Variants in MEGF9 observed in about 807,000 individuals in gnomAD.
MEGF9 encodes the protein multiple EGF like domains 9.
In MEGF9, 6 loss-of-function variants were observed where a neutral mutation model predicts 46.8. That is an observed-to-expected ratio of 0.13 (90% CI 0.07 to 0.25). MEGF9 has a LOEUF of 0.25. Among genes scored for constraint, MEGF9 ranks in the 10% least tolerant of loss-of-function variants. The pLI is 1.00. For missense variants in MEGF9, 683 were observed against 792.4 expected (o/e 0.86, Z 1.66); for synonymous variants, 302 against 330.7 (o/e 0.91, Z 0.94).
At chr9:120,667,366 C>A (rs2043729735) in intron 1 of MEGF9, among the ~76,000 whole-genome samples, 1 of 152,128 alleles carries the variant, frequency 6.6e-6, no homozygotes, top group Non-Finnish European at 1.5e-5. Context: ...CCCTTTGGCT[C>A]CAACTTAAGT....
At chr9:120,707,727 T>C (rs949216831) in intron 1 of MEGF9, among the ~76,000 whole-genome samples, 2 of 152,160 alleles carry the variant, frequency 1.3e-5, no homozygotes, top group African/African-American at 4.8e-5. Flanking sequence ...AGTCCTATAT[T>C]CCTAGGATGT....
chr9:120,660,420 T>C (rs2043696927), intron 1 of MEGF9, among the ~76,000 whole-genome samples: 1 of 152,326 alleles, frequency 6.6e-6, no homozygotes, highest in Non-Finnish European at 1.5e-5. Context: ...TATACTCCTT[T>C]AGTTATTTTA....
chr9:120,609,266 G>C (rs1232929984), intron 4 of MEGF9, among the ~76,000 whole-genome samples: 1 of 150,838 alleles, frequency 6.6e-6, no homozygotes, highest in Non-Finnish European at 1.5e-5. Flanking sequence ...CTGAGGTTTT[G>C]TACATACTAC....
chr9:120,683,748 G>A (rs2043809096), intron 1 of MEGF9, among the ~76,000 whole-genome samples: 1 of 151,930 alleles, frequency 6.6e-6, no homozygotes, highest in Non-Finnish European at 1.5e-5. Flanking sequence ...CAAAAAATTA[G>A]CCAGGTGTGG....
intron 1 of MEGF9, among the ~76,000 whole-genome samples, chr9:120,705,059 G>T (rs1385176406): frequency 6.6e-6 from 1 of 151,850 alleles, no homozygotes; most frequent in South Asian, 2.1e-4. Context: ...GGTGGCAGGG[G>T]GTAGGTGGGG....
chr9:120,620,000 T>C (rs1042465796), intron 3 of MEGF9, among the ~76,000 whole-genome samples: 1 of 152,238 alleles, frequency 6.6e-6, no homozygotes, highest in Non-Finnish European at 1.5e-5. Context: ...ATATAAAGCT[T>C]GTAATTTTAA....
chr9:120,667,355 T>C (rs2043729695), intron 1 of MEGF9, among the ~76,000 whole-genome samples: 1 of 152,216 alleles, frequency 6.6e-6, no homozygotes, highest in African/African-American at 2.4e-5. Context: ...TCTTTTCTTT[T>C]CCCTTTGGCT....
intron 2 of MEGF9, among the ~76,000 whole-genome samples, chr9:120,627,257 A>C (rs2043529478): frequency 6.6e-6 from 1 of 152,142 alleles, no homozygotes; most frequent in Non-Finnish European, 1.5e-5. Context: ...AGCCAGCTGG[A>C]CCTGACTTGC....
chr9:120,692,857 C>A (rs1303950080), intron 1 of MEGF9, among the ~76,000 whole-genome samples: 1 of 152,170 alleles, frequency 6.6e-6, no homozygotes, highest in Non-Finnish European at 1.5e-5. Context: ...AAACATCCCA[C>A]AGAAAGCCTT....
At chr9:120,666,432 T>C (rs768533643) in intron 1 of MEGF9, among the ~76,000 whole-genome samples, 6 of 152,188 alleles carry the variant, frequency 3.9e-5, no homozygotes, top group Non-Finnish European at 7.4e-5. Context: ...AAAGCAAAAC[T>C]GTACTTTGAA....
intron 1 of MEGF9, among the ~76,000 whole-genome samples, chr9:120,693,924 TAA>T (rs34661780): frequency 0.044 from 6,143 of 141,176 alleles, 406 homozygotes; most frequent in African/African-American, 0.15. Context: ...TCAATTAGGC[TAA>T]AAAAAAAAAA....
At chr9:120,608,881 T>C (rs2043432127) in intron 4 of MEGF9, among the ~76,000 whole-genome samples, 1 of 152,212 alleles carries the variant, frequency 6.6e-6, no homozygotes, top group African/African-American at 2.4e-5. Context: ...GATTAAAGTC[T>C]TTCCAATCCA....
intron 2 of MEGF9, among the ~76,000 whole-genome samples, chr9:120,644,297 T>C (rs1198433334): frequency 6.6e-6 from 1 of 152,224 alleles, no homozygotes; most frequent in African/African-American, 2.4e-5. Flanking sequence ...TGGGTTTGTC[T>C]GATCTCTTGT....
chr9:120,641,009 G>C (rs2043600590), intron 2 of MEGF9, among the ~76,000 whole-genome samples: 1 of 152,076 alleles, frequency 6.6e-6, no homozygotes, highest in African/African-American at 2.4e-5. Context: ...GCCTCCATCT[G>C]TATCCATGTT....
intron 4 of MEGF9, among the ~76,000 whole-genome samples, chr9:120,611,436 A>G (rs2043444556): frequency 6.6e-6 from 1 of 152,178 alleles, no homozygotes; most frequent in South Asian, 2.1e-4. Context: ...GTACTGAGAC[A>G]TGTTATAACA....
At chr9:120,677,126 A>AGT (rs3047102) in intron 1 of MEGF9, among the ~76,000 whole-genome samples, 106 of 150,826 alleles carry the variant, frequency 7.0e-4, no homozygotes, top group Non-Finnish European at 1.2e-3. Flanking sequence ...CGTGTGTGTG[A>AGT]GTGTGTGTGT....
chr9:120,625,853 A>AAAG (rs1554795116), intron 2 of MEGF9, among the ~76,000 whole-genome samples: 43,093 of 103,174 alleles, frequency 0.42, 6,255 homozygotes, highest in South Asian at 0.54. Context: ...AAAAAAAAAA[A>AAAG]AAAGAAAGAA....
chr9:120,630,701 T>C (rs1024516279), intron 2 of MEGF9, among the ~76,000 whole-genome samples: 1 of 152,228 alleles, frequency 6.6e-6, no homozygotes, highest in South Asian at 2.1e-4. Flanking sequence ...TAACAGACAT[T>C]CTAATGGGGG....
intron 3 of MEGF9, among the ~76,000 whole-genome samples, chr9:120,614,711 C>T (rs1171507760): frequency 1.3e-5 from 2 of 151,880 alleles, no homozygotes; most frequent in Admixed American, 1.3e-4. Context: ...CCTACTCTCC[C>T]CCTATTAAAA....
Sources: gnomAD v4.1 joint callset for allele counts (sites outside exome capture counted in the v4.1 genomes callset) on GRCh38, gnomAD v4.1.1 for gene constraint, MANE v1.5 for transcripts, NCBI Gene and HGNC (gene_info 2026-07-23, HGNC 2026-07-21) for gene names.